SERHL2: variants seen among roughly 807,000 people sequenced by gnomAD.
SERHL2 encodes the protein serine hydrolase like 2, also known as serine hydrolase-like protein 2.
A neutral mutation model predicts 25.5 loss-of-function variants in SERHL2; 29 were observed. The observed-to-expected ratio is 1.14, with a 90% CI of 0.85 to 1.55. The LOEUF (loss-of-function observed/expected upper bound fraction) is 1.55. SERHL2 is among the 40% of genes most tolerant of loss of function. The probability of loss-of-function intolerance (pLI) is 0.00; values close to 1 mark genes in which losing one functional copy is unlikely to be tolerated. For missense variants in SERHL2, 240 were observed against 252.3 expected, an observed-to-expected ratio of 0.95 and a Z score of 0.33; for synonymous variants, 95 against 103.5, an observed-to-expected ratio of 0.92 and a Z score of 0.50.
At chr22:42,560,329 G>T (rs1922532070) in intron 8 of SERHL2, 64 bp downstream of exon 8, 1 of 1,290,096 alleles carries the variant, frequency 7.8e-7, no homozygotes, top group Non-Finnish European at 1.1e-6. Context: ...GGATGTCAAG[G>T]ACTTGCCTTA....
chr22:42,571,261 C>A, intron 10 of SERHL2, 58 bp downstream of exon 10: 3 of 1,606,398 alleles, frequency 1.9e-6, no homozygotes, highest in Non-Finnish European at 2.6e-6. Flanking sequence ...CGCCAGGAAT[C>A]TCCGGGAGGG....
chr22:42,563,279 C>T, intron 8 of SERHL2: 1 of 212,166 alleles, frequency 4.7e-6, no homozygotes, highest in South Asian at 4.6e-5. Flanking sequence ...CCATGGCTCA[C>T]TGCAGCCTTG....
At chr22:42,565,911 T>C (rs1042240595) in intron 8 of SERHL2, among the ~76,000 whole-genome samples, 2 of 151,996 alleles carry the variant, frequency 1.3e-5, no homozygotes, top group Non-Finnish European at 2.9e-5. Context: ...TGGAGTGCAG[T>C]GGCACGATCT....
At position 42,556,581 on chromosome 22, in the gene SERHL2, A is replaced by T; in HGVS notation, c.416A>T (p.Glu139Val). The change falls in exon 6 of 12, where the codon GAA becomes GTA. Residue 139 changes from glutamate to valine, a missense_variant. Around this residue, in one of 4 missense-constraint regions of SERHL2, gnomAD observed 212 missense variants for 168.9 expected, o/e 1.25. Transcript: ENST00000327678. Reference sequence around the variant, plus strand: ...CTGGACACGCCGCTCTTTCTCCTGGAATCAGATGTGAGAAGCGGGCTTTCG... The same window carrying T: ...CTGGACACGCCGCTCTTTCTCCTGGTATCAGATGTGAGAAGCGGGCTTTCG... ...ILLDTPLFLL[E>V]SDEMENLLTY... 1.2e-6 allele frequency: 2 copies of T among 1,602,038 alleles called. No homozygotes were observed. Among genetic ancestry groups the T allele is most frequent in the Non-Finnish European group, 1.7e-6 (2 of 1,171,538 alleles).
intron 7 of SERHL2, 81 bp from the exon 8 acceptor site, chr22:42,560,105 C>G (rs1922494172): frequency 9.8e-7 from 1 of 1,025,128 alleles, no homozygotes; most frequent in African/African-American, 1.6e-5. Flanking sequence ...AGCCACCGTC[C>G]CCCCCGGCCC....
At position 42,557,580 on chromosome 22, in the gene SERHL2, AAAAG is replaced by A. The variant is rs1293219239; in HGVS notation, c.424-765_424-762del. Among the ~76,000 whole-genome samples, 88 of 55,244 alleles carry A rather than the reference AAAAG, an allele frequency of 1.6e-3. 1 individual carries two copies. Among genetic ancestry groups the A allele is most frequent in the African/African-American group, 2.8e-3 (69 of 24,450 alleles). The allele number at this position is 55,244 out of a possible 152,430, so 36.2% of individuals were successfully genotyped here. A position where few individuals can be genotyped will look rare whatever the true frequency, so the allele number is the denominator to read the frequency against. ...CCCAAAAAAAAAAAAAAAAAAAAAA[AAAAG>A]AATGACGGCAGATCCCATAAGGATA... On this transcript the variant is annotated intron_variant, in intron 6 of 11. Transcript: ENST00000327678.
intron 10 of SERHL2, 29 bp downstream of exon 10, chr22:42,571,232 C>T (rs1924138208): frequency 1.9e-6 from 3 of 1,606,444 alleles, no homozygotes; most frequent in Non-Finnish European, 8.5e-7. Context: ...CCTTCAGCCA[C>T]CCGCCAAGGA....
rs754138896 is a variant in SERHL2, at chr22:42,563,190, CTTTTTTT to C, written c.613+2934_613+2940del. On this transcript the variant is annotated intron_variant, in intron 8 of 11. Transcript: ENST00000327678. ...CAAGACCCTGGCTTTTTCTTTTTTT[CTTTTTTT>C]TTTTTTTTGTTGTTGTTGTTGTTTT... Among the ~76,000 whole-genome samples the C allele has an allele frequency of 4.9e-3, 480 of 97,986 alleles. 6 individuals carry two copies. The highest frequency in any genetic ancestry group is 0.025 in the African/African-American group (440 of 17,276). 64.3% of individuals were successfully genotyped at this position (97,986 alleles called of 152,430 possible).
At chr22:42,573,681 G>C in intron 11 of SERHL2, 1 of 534,116 alleles carries the variant, frequency 1.9e-6, no homozygotes, top group South Asian at 2.2e-5. Context: ...GCCCCGCCCT[G>C]TCCCTGCCAT....
At chr22:42,565,756 C>G (rs1313059131) in intron 8 of SERHL2, among the ~76,000 whole-genome samples, 1 of 151,872 alleles carries the variant, frequency 6.6e-6, no homozygotes, top group East Asian at 1.9e-4. Flanking sequence ...GCTATTCTTA[C>G]CTGTGTAATT....
chr22:42,566,698 T>A (rs1214920735), intron 9 of SERHL2, among the ~76,000 whole-genome samples: 2 of 152,216 alleles, frequency 1.3e-5, no homozygotes, highest in South Asian at 2.1e-4. Context: ...AGGCACTGGC[T>A]GCTGCACAGG....
chr22:42,568,767 C>T (rs1206960726), intron 9 of SERHL2, among the ~76,000 whole-genome samples: 3 of 151,976 alleles, frequency 2.0e-5, no homozygotes, highest in Non-Finnish European at 2.9e-5. Context: ...GAGTTAAAGA[C>T]CAGCCTCGCC....
chr22:42,567,578 G>T (rs539038314), intron 9 of SERHL2, among the ~76,000 whole-genome samples: 199 of 151,650 alleles, frequency 1.3e-3, no homozygotes, highest in Admixed American at 5.4e-3. Context: ...GCAGGAGAAT[G>T]GCGTGAACCC....
intron 8 of SERHL2, among the ~76,000 whole-genome samples, chr22:42,561,772 G>C (rs1366011497): frequency 6.6e-6 from 1 of 151,806 alleles, no homozygotes; most frequent in Non-Finnish European, 1.5e-5. Flanking sequence ...CGCCAGTTTG[G>C]GACCAGTTGG....
intron 8 of SERHL2, among the ~76,000 whole-genome samples, chr22:42,564,427 ATT>A (rs35590765): frequency 6.8e-6 from 1 of 146,270 alleles, no homozygotes; most frequent in East Asian, 2.0e-4. Flanking sequence ...CCGACACAGG[ATT>A]TTTTTTTTTC....
In SERHL2 at chr22:42,563,124, C is replaced by T. The variant is rs142906884; in HGVS notation, c.613+2859C>T. ...GGGAGACTCACATGAGCTCAGGAGT[C>T]GGAGGCTGCATTGAACCTTGATTGT... On this transcript the variant is annotated intron_variant, in intron 8 of 11. Transcript: ENST00000327678. Among the ~76,000 whole-genome samples, 334 of 151,588 alleles carry T rather than the reference C, an allele frequency of 2.2e-3. 5 individuals carry two copies. The highest frequency in any genetic ancestry group is 2.7e-3 in the South Asian group (13 of 4,808).
At chr22:42,573,284 C>G (rs577785133) in intron 11 of SERHL2, 1 of 148,584 alleles carries the variant, frequency 6.7e-6, no homozygotes, top group African/African-American at 2.5e-5. Context: ...CGCTCTGTTG[C>G]CCAGGCTGGA....
At position 42,574,329 on chromosome 22, in the gene SERHL2, T is replaced by G. The variant is rs915152791; in HGVS notation, c.*274T>G. The stretch of plus-strand genomic sequence containing the variant: ...GAAGGAAGGGCAGGCTGGGCCCACC[T>G]AGCCTTTCCCTGCTGCCCAACTGGA... On this transcript the variant is annotated 3_prime_UTR_variant, in exon 12 of 12. Coordinates refer to ENST00000327678, the MANE Select transcript of SERHL2 (RefSeq NM_014509.5). The G allele has an allele frequency of 7.6e-6, 4 of 529,704 alleles. No individual in the cohort carries two copies. Among genetic ancestry groups the G allele is most frequent in the African/African-American group, 1.9e-5 (1 of 52,056 alleles). 32.8% of individuals were successfully genotyped at this position (529,704 alleles called of 1,614,324 possible). A position where few individuals can be genotyped will look rare whatever the true frequency, so the allele number is the denominator to read the frequency against.
At position 42,574,183 on chromosome 22, in the gene SERHL2, A is replaced by G. The variant is rs1924679516; in HGVS notation, c.*128A>G. The G allele has an allele frequency of 2.5e-6, 2 of 797,774 alleles. No individual in the cohort carries two copies. The highest frequency in any genetic ancestry group is 3.4e-5 in the South Asian group (2 of 58,544). The allele number at this position is 797,774 out of a possible 1,614,324, so 49.4% of individuals were successfully genotyped here. ...CACTAGTCTTGAGGCCCAGCCTAGG[A>G]TGGTAGTCAGGGGAAGGAGCGAGAT... On this transcript the variant is annotated 3_prime_UTR_variant, in exon 12 of 12. Transcript: ENST00000327678.
Sources: allele counts gnomAD v4.1 joint callset (sites outside exome capture counted in the v4.1 genomes callset), GRCh38; gene constraint gnomAD v4.1.1; regional missense constraint gnomAD v4.1.1; transcripts MANE v1.5; gene names NCBI Gene and HGNC (gene_info 2026-07-23, HGNC 2026-07-21).